Variants in EXOC4 observed in about 807,000 individuals in gnomAD.
EXOC4 encodes the protein exocyst complex component 4.
EXOC4 carries 71 observed loss-of-function variants against 107.2 expected under a neutral mutation model. That is an observed-to-expected ratio of 0.66 (90% CI 0.55 to 0.81). The LOEUF (loss-of-function observed/expected upper bound fraction) is 0.81. Among genes scored for constraint, EXOC4 ranks in the 30% least tolerant of loss-of-function variants. The pLI, the probability that EXOC4 is intolerant of heterozygous loss-of-function variation, is 0.00. For synonymous variants in EXOC4, 456 were observed against 441.2 expected (o/e 1.03, Z -0.42); for missense variants, 1,108 against 1,189.6 (o/e 0.93, Z 1.01).
chr7:133,978,515 C>T (rs1403139828), intron 14 of EXOC4, among the ~76,000 whole-genome samples: 1 of 152,178 alleles, frequency 6.6e-6, no homozygotes, highest in African/African-American at 2.4e-5. Context: ...TTCATCAAGG[C>T]TCAGTTGGGA....
intron 9 of EXOC4, among the ~76,000 whole-genome samples, chr7:133,589,931 T>C (rs1022630532): frequency 7.9e-5 from 12 of 152,198 alleles, no homozygotes; most frequent in Admixed American, 7.2e-4. Context: ...ATCCAAGTTA[T>C]TGTCTCACGA....
intron 7 of EXOC4, among the ~76,000 whole-genome samples, chr7:133,467,865 C>T (rs891602598): frequency 1.3e-5 from 2 of 151,890 alleles, no homozygotes; most frequent in African/African-American, 4.8e-5. Flanking sequence ...CCATCTTGTC[C>T]TCCTATAAAT....
chr7:133,485,508 C>T (rs996501766), intron 9 of EXOC4, among the ~76,000 whole-genome samples: 1 of 152,014 alleles, frequency 6.6e-6, no homozygotes, highest in Admixed American at 6.6e-5. Context: ...TGTCTCCTGC[C>T]CTTTTCTCAT....
In EXOC4 at chr7:133,837,308, G is replaced by A. The variant is rs796487188; in HGVS notation, c.1734+19764G>A. Among the ~76,000 whole-genome samples the A allele has an allele frequency of 7.2e-5, 11 of 152,190 alleles. No individual in the cohort carries two copies. In the East Asian group the frequency reaches 1.2e-3, roughly 16 times the overall value. Reference sequence around the variant, plus strand: ...TGCACAGTACACTTAATCTGTCTGGGCCTCAATTTTCTCATCTCTAAGCAG... The same window carrying A: ...TGCACAGTACACTTAATCTGTCTGGACCTCAATTTTCTCATCTCTAAGCAG... On this transcript the variant is annotated intron_variant, in intron 11 of 17. Transcript: ENST00000253861.
At chr7:133,958,155 T>TG (rs1253828913) in intron 14 of EXOC4, among the ~76,000 whole-genome samples, 1 of 152,228 alleles carries the variant, frequency 6.6e-6, no homozygotes, top group African/African-American at 2.4e-5. Flanking sequence ...ATTAACAAAA[T>TG]GCTTCCAGTG....
At chr7:133,529,715 CG>C (rs1800146016) in intron 9 of EXOC4, among the ~76,000 whole-genome samples, 2 of 151,978 alleles carry the variant, frequency 1.3e-5, no homozygotes, top group African/African-American at 4.8e-5. Flanking sequence ...TATGTGGCAT[CG>C]TTGTCTGCTT....
At chr7:133,370,233 G>GACAT (rs1442875882) in intron 6 of EXOC4, among the ~76,000 whole-genome samples, 1 of 148,320 alleles carries the variant, frequency 6.7e-6, no homozygotes, top group Non-Finnish European at 1.5e-5. Flanking sequence ...ACGCAGCCAT[G>GACAT]ACATAGCCTC....
chr7:133,593,858 A>T (rs567488605), intron 9 of EXOC4, among the ~76,000 whole-genome samples: 2 of 152,326 alleles, frequency 1.3e-5, no homozygotes, highest in East Asian at 3.9e-4. Flanking sequence ...TTTGTGTTTT[A>T]TTCTGATTAA....
intron 10 of EXOC4, among the ~76,000 whole-genome samples, chr7:133,690,727 C>T (rs1185508269): frequency 6.6e-6 from 1 of 152,000 alleles, no homozygotes; most frequent in Non-Finnish European, 1.5e-5. Context: ...TATTTACATA[C>T]ATGGGAGTTC....
chr7:133,994,419 A>G (rs921658674), intron 14 of EXOC4, among the ~76,000 whole-genome samples: 26 of 152,188 alleles, frequency 1.7e-4, no homozygotes, highest in Middle Eastern at 3.2e-3. Context: ...TAAAATCTAG[A>G]TGATGGGCTG....
chr7:133,476,980 T>C (rs1354916203), intron 8 of EXOC4, among the ~76,000 whole-genome samples: 1 of 145,198 alleles, frequency 6.9e-6, no homozygotes, highest in African/African-American at 2.5e-5. Flanking sequence ...TGATTCTCCC[T>C]GTGAATCTCT....
chr7:133,740,994 T>G (rs1407190900), intron 10 of EXOC4, among the ~76,000 whole-genome samples: 1 of 152,196 alleles, frequency 6.6e-6, no homozygotes, highest in East Asian at 1.9e-4. Flanking sequence ...TACTTGCAGC[T>G]CAATTAACAC....
chr7:133,525,366 A>G (rs967504295), intron 9 of EXOC4, among the ~76,000 whole-genome samples: 8 of 152,152 alleles, frequency 5.3e-5, no homozygotes, highest in South Asian at 2.1e-4. Context: ...TTCAAGTGAG[A>G]ATAATAAGCT....
intron 14 of EXOC4, among the ~76,000 whole-genome samples, chr7:133,971,361 T>TATATATATATATAGAGAG (rs1489958236): frequency 6.7e-5 from 5 of 75,070 alleles, no homozygotes; most frequent in Admixed American, 3.3e-4. Context: ...TATATATATA[T>TATATATATATATAGAGAG]AGAGAGAGAG....
the EXOC4 span, among the ~76,000 whole-genome samples, chr7:134,074,910 T>G: frequency 2.0e-5 from 3 of 151,698 alleles, no homozygotes; most frequent in African/African-American, 7.3e-5. Flanking sequence ...ACTGGGAAAA[T>G]GGAACTGGAC....
intron 11 of EXOC4, among the ~76,000 whole-genome samples, chr7:133,820,097 G>A (rs1797476846): frequency 6.8e-6 from 1 of 147,374 alleles, no homozygotes; most frequent in South Asian, 2.1e-4. Context: ...TTGAGGCTAA[G>A]ACCATTCAAG....
chr7:133,977,532 G>A (rs184849212), intron 14 of EXOC4, among the ~76,000 whole-genome samples: 3 of 152,320 alleles, frequency 2.0e-5, no homozygotes, highest in Admixed American at 1.3e-4. Context: ...TAATTTGAAT[G>A]TTTGACTTCT....
Position 134,058,337 on chromosome 7 carries a change from C to T in EXOC4, c.2688-5954C>T, listed in dbSNP as rs541899343. On this transcript the variant is annotated intron_variant, in intron 17 of 17. Transcript: ENST00000253861. ...TAGAGCTTTATCTTGGGAAGGACTA[C>T]AAGAGAAAGTCTTTACAATGAAAAT... 2.6e-5 allele frequency among the ~76,000 whole-genome samples: 4 copies of T among 152,218 alleles called. No homozygotes were observed. In the South Asian group the frequency reaches 8.3e-4, roughly 32 times the overall value.
intron 3 of EXOC4, among the ~76,000 whole-genome samples, chr7:133,296,870 T>G (rs1275314249): frequency 6.6e-6 from 1 of 152,142 alleles, no homozygotes; most frequent in African/African-American, 2.4e-5. Flanking sequence ...AATTCTAAAT[T>G]CAGGTCACAT....
Sources: allele counts gnomAD v4.1 joint callset (sites outside exome capture counted in the v4.1 genomes callset), GRCh38; gene constraint gnomAD v4.1.1; transcripts MANE v1.5; gene names NCBI Gene and HGNC (gene_info 2026-07-23, HGNC 2026-07-21).